The following OSBPL5 variants were observed in gnomAD, a reference collection of about 807,000 sequenced individuals.
OSBPL5 encodes the protein oxysterol binding protein like 5, also known as oxysterol-binding protein-related protein 5.
In OSBPL5, 71 loss-of-function variants were observed where a neutral mutation model predicts 111.2. That is an observed-to-expected ratio of 0.64 (90% CI 0.53 to 0.78). OSBPL5 has a LOEUF of 0.78. Among genes scored for constraint, OSBPL5 ranks in the 30% least tolerant of loss-of-function variants. The pLI, the probability that OSBPL5 is intolerant of heterozygous loss-of-function variation, is 0.00. For synonymous variants in OSBPL5, 549 were observed against 513.9 expected, an observed-to-expected ratio of 1.07 and a Z score of -0.93; for missense variants, 1,210 against 1,189.3, an observed-to-expected ratio of 1.02 and a Z score of -0.26.
chr11:3,116,815 A>C (rs1858225861), intron 7 of OSBPL5, among the ~76,000 whole-genome samples: 1 of 143,822 alleles, frequency 7.0e-6, no homozygotes, highest in Non-Finnish European at 1.5e-5. Context: ...AGATGGCGCC[A>C]CTGCACTCCA....
chr11:3,103,704 G>A (rs1485448118), intron 10 of OSBPL5, among the ~76,000 whole-genome samples: 1 of 122,744 alleles, frequency 8.1e-6, no homozygotes, highest in Non-Finnish European at 1.7e-5. Context: ...TCCAGCCTGC[G>A]TACCCCCTTC....
chr11:3,093,443 C>T (rs1857135195), intron 17 of OSBPL5, 84 bp downstream of exon 17: 5 of 1,553,650 alleles, frequency 3.2e-6, no homozygotes, highest in Admixed American at 1.8e-5. Flanking sequence ...GGGCCATGCT[C>T]ACAGCACTGT....
intron 2 of OSBPL5, among the ~76,000 whole-genome samples, chr11:3,127,389 G>A (rs78675125): frequency 0.013 from 2,035 of 152,364 alleles, 23 homozygotes; most frequent in Middle Eastern, 0.024. Context: ...GGAAGGCCTG[G>A]GGTCTATAGC....
chr11:3,099,400 G>A (rs996419387), intron 14 of OSBPL5, among the ~76,000 whole-genome samples: 2 of 152,212 alleles, frequency 1.3e-5, no homozygotes, highest in African/African-American at 2.4e-5. Flanking sequence ...CAATGTATGA[G>A]TATTGGCTCA....
chr11:3,104,902 G>A lies in OSBPL5; in HGVS notation c.1060-525C>T, dbSNP rs1857641723. ...CTTCAGATATTGAATGTGGACAACTGGGTGAGTTTGGAGGTGAGCCTGCTC... is the reference window on the plus strand; with the variant it reads ...CTTCAGATATTGAATGTGGACAACTAGGTGAGTTTGGAGGTGAGCCTGCTC... On this transcript the variant is annotated intron_variant, in intron 9 of 21. Transcript: ENST00000263650. The surrounding 1 kb of genome is among the most constrained non-coding windows in gnomAD (Gnocchi z 5.0). Among the ~76,000 whole-genome samples, 1 of 152,176 alleles carries A rather than the reference G, an allele frequency of 6.6e-6. No homozygotes were observed. Among genetic ancestry groups the A allele is most frequent in the Admixed American group, 6.5e-5 (1 of 15,290 alleles).
intron 1 of OSBPL5, among the ~76,000 whole-genome samples, chr11:3,136,962 G>A (rs1470755690): frequency 6.6e-6 from 1 of 152,242 alleles, no homozygotes; most frequent in African/African-American, 2.4e-5. Flanking sequence ...AAAATCACAA[G>A]GATAAAGGAA....
rs1343006468 is a variant in OSBPL5, at chr11:3,142,074, G to A, written c.-21-12905C>T. ...ACTACAGGCACCTGCCACGATGACC[G>A]GCTAAAATTTTTTTGTATTTTTTCA... On this transcript the variant is annotated intron_variant, in intron 1 of 21. Coordinates refer to ENST00000263650, the MANE Select transcript of OSBPL5 (RefSeq NM_020896.4). This position sits in a 1 kb window ranked among gnomAD's most constrained non-coding sequence, Gnocchi z 7.1. Among the ~76,000 whole-genome samples the A allele has an allele frequency of 2.6e-5, 4 of 152,104 alleles. No homozygotes were observed. The highest frequency in any genetic ancestry group is 4.8e-5 in the African/African-American group (2 of 41,416).
chr11:3,097,260 A>AT (rs1857305931), intron 14 of OSBPL5, among the ~76,000 whole-genome samples: 1 of 151,952 alleles, frequency 6.6e-6, no homozygotes, highest in African/African-American at 2.4e-5. Context: ...ACCAGGAGAG[A>AT]TTTTTTCCGA....
At chr11:3,124,837 T>TGGATGGATGGAC (rs1167823689) in intron 3 of OSBPL5, among the ~76,000 whole-genome samples, 1 of 151,824 alleles carries the variant, frequency 6.6e-6, no homozygotes, top group Non-Finnish European at 1.5e-5. Context: ...GATGGATGGA[T>TGGATGGATGGAC]GGACGCATGA....
intron 1 of OSBPL5, among the ~76,000 whole-genome samples, chr11:3,144,181 C>T (rs1846252902): frequency 6.6e-6 from 1 of 152,132 alleles, no homozygotes; most frequent in Non-Finnish European, 1.5e-5. Flanking sequence ...AAACCCAACG[C>T]GGGTGGAAGT....
At chr11:3,114,175 G>C (rs1389691599) in intron 7 of OSBPL5, among the ~76,000 whole-genome samples, 1 of 152,060 alleles carries the variant, frequency 6.6e-6, no homozygotes, top group Non-Finnish European at 1.5e-5. Context: ...TGAAAAAGGT[G>C]AACAATTTTT....
chr11:3,091,627 G>A (rs888934197), intron 19 of OSBPL5, among the ~76,000 whole-genome samples: 6 of 152,116 alleles, frequency 3.9e-5, no homozygotes, highest in Non-Finnish European at 7.4e-5. Context: ...GCCTGAGCCC[G>A]GGGGGATGGA....
At chr11:3,097,369 A>G (rs1307454002) in intron 14 of OSBPL5, among the ~76,000 whole-genome samples, 1 of 152,108 alleles carries the variant, frequency 6.6e-6, no homozygotes, top group African/African-American at 2.4e-5. Flanking sequence ...TCAAGGAAAC[A>G]TTTGTATTGG....
In OSBPL5 at chr11:3,101,655, C is replaced by T; in HGVS notation, c.1470G>A (p.Arg490=). The T allele has an allele frequency of 6.2e-7, 1 of 1,614,002 alleles. No homozygotes were observed. ...TGCCACTGATGCAGAAGCCGTCCTT[C>T]CGGTTGCTGACGTGGAAGGCAGACA... The part of the protein sequence containing the change: ...PPVSAFHVSN[R]KDGFCISGSI... Residue 490 remains arginine (R), a synonymous_variant, in exon 13 of 22, where the codon CGG becomes CGA. Coordinates refer to ENST00000263650, the MANE Select transcript of OSBPL5 (RefSeq NM_020896.4).
rs1857741203 is a variant in OSBPL5 at position 3,107,403 on chromosome 11, C to G, written c.919G>C (p.Glu307Gln). ...TCGGTATCTGACTCCTCAGGGTTCT[C>G]TCTCTCCGACTTGTCTGAGAATGCA... ...NDAFSDKSER[E>Q]NPEESDTETQ... The change falls in exon 9 of 22, where the codon GAG becomes CAG. Residue 307 changes from glutamate to glutamine, a missense_variant. By Grantham distance (29) the Glu-to-Gln change is conservative. Transcript: ENST00000263650. This position sits in a 1 kb window ranked among gnomAD's most constrained non-coding sequence, Gnocchi z 6.1. 4 of 1,614,000 alleles carry G rather than the reference C, an allele frequency of 2.5e-6. No individual in the cohort carries two copies. Among genetic ancestry groups the G allele is most frequent in the Non-Finnish European group, 3.4e-6 (4 of 1,180,018 alleles).
chr11:3,111,198 G>A (rs536474131), intron 7 of OSBPL5, among the ~76,000 whole-genome samples: 211 of 148,096 alleles, frequency 1.4e-3, no homozygotes, highest in Non-Finnish European at 2.4e-3. Context: ...AAATTTGGTC[G>A]AGATCTAAAG....
At chr11:3,098,396 G>A (rs1185425431) in intron 14 of OSBPL5, among the ~76,000 whole-genome samples, 3 of 148,276 alleles carry the variant, frequency 2.0e-5, no homozygotes, top group Admixed American at 6.7e-5. Context: ...TCAAAGCCAC[G>A]AAACCTCAGG....
At position 3,088,463 on chromosome 11, in the gene OSBPL5, T is replaced by C. The variant is rs1856949686; in HGVS notation, c.2502-120A>G. ...GCTGGACACAGGGCCGAGGTGGAGA[T>C]GGGATGGCCCTCCAGGGGCAACAGA... On this transcript the variant is annotated intron_variant, in intron 21 of 21. Coordinates refer to ENST00000263650, the MANE Select transcript of OSBPL5 (RefSeq NM_020896.4). 3 of 1,180,042 alleles carry C rather than the reference T, an allele frequency of 2.5e-6. No individual in the cohort carries two copies. In the East Asian group the frequency reaches 9.4e-5, roughly 37 times the overall value. The allele number at this position is 1,180,042 out of a possible 1,614,324, so 73.1% of individuals were successfully genotyped here.
rs753638601 is a variant in OSBPL5, at chr11:3,128,999, C to T, written c.136+14G>A. On this transcript the variant is annotated intron_variant, in intron 2 of 21. Transcript: ENST00000263650. ...GCTGAGGGCCAGGTTGCCCTGCCCA[C>T]GGCCGGCACTTACCTGGGCTGAGTG... The T allele has an allele frequency of 1.5e-4, 230 of 1,527,784 alleles. No individual in the cohort carries two copies. The highest frequency in any genetic ancestry group is 2.2e-4 in the Middle Eastern group (1 of 4,572). 94.6% of individuals were successfully genotyped at this position (1,527,784 alleles called of 1,614,324 possible). A position where few individuals can be genotyped will look rare whatever the true frequency, so the allele number is the denominator to read the frequency against.
Sources: gnomAD v4.1 joint callset for allele counts (sites outside exome capture counted in the v4.1 genomes callset) on GRCh38, gnomAD v4.1.1 for gene constraint, Gnocchi (gnomAD v3.1) non-coding constraint, MANE v1.5 for transcripts, NCBI Gene and HGNC (gene_info 2026-07-23, HGNC 2026-07-21) for gene names.